The following GJA9 variants were observed in gnomAD, a reference collection of about 807,000 sequenced individuals.
GJA9 encodes gap junction protein alpha 9.
Under a neutral mutation model 0.4 loss-of-function variants are expected in GJA9, and 1 was observed. The observed-to-expected ratio is 2.50, with a 90% CI of 0.89 to 11.88. GJA9 has a LOEUF of 11.88. Ranked by LOEUF, GJA9 falls within the 30% of genes most tolerant of loss-of-function variation. The pLI, the probability that GJA9 is intolerant of heterozygous loss-of-function variation, is 0.12. For missense variants in GJA9, 550 were observed against 602.8 expected (o/e 0.91, Z 0.92); for synonymous variants, 190 against 219.1 (o/e 0.87, Z 1.17).
At chr1:38,878,575 G>C (rs544158859) in intron 1 of GJA9, among the ~76,000 whole-genome samples, 1 of 150,778 alleles carries the variant, frequency 6.6e-6, no homozygotes, top group East Asian at 2.1e-4. Flanking sequence ...TACTCAGGAG[G>C]CTGAGGCAGG....
Position 38,874,577 on chromosome 1 carries a change from G to C in GJA9, c.1522C>G (p.Arg508Gly). Reference protein sequence around the residue: ...VSLTNNLIGRRVPTDLQI With the variant: ...VSLTNNLIGRGVPTDLQI ...TAGATCTGAAGATCTGTGGGAACCC[G>C]CCTACCAATGAGATTGTTCGTTAGG... Residue 508 changes from arginine (R) to glycine (G), a missense_variant, in exon 2 of 2, where the codon CGG becomes GGG. Coordinates refer to ENST00000357771, the MANE Select transcript of GJA9 (RefSeq NM_030772.5). The C allele has an allele frequency of 6.2e-7, 1 of 1,613,838 alleles. No individual in the cohort carries two copies. Among genetic ancestry groups the C allele is most frequent in the South Asian group, 1.1e-5 (1 of 91,060 alleles).
intron 1 of GJA9, among the ~76,000 whole-genome samples, chr1:38,880,005 C>G (rs1642662609): frequency 1.3e-5 from 2 of 151,896 alleles, no homozygotes; most frequent in African/African-American, 2.4e-5. Flanking sequence ...GCGTGAGCCA[C>G]CGCGCCCGGC....
At chr1:38,878,802 C>T (rs865776823) in intron 1 of GJA9, among the ~76,000 whole-genome samples, 3 of 140,094 alleles carry the variant, frequency 2.1e-5, no homozygotes, top group Non-Finnish European at 3.0e-5. Context: ...GGCACAATCT[C>T]GGCTCACCGC....
Position 38,875,157 on chromosome 1 carries a change from A to T in GJA9, c.942T>A (p.Ser314Arg), listed in dbSNP as rs775262453. 14 of 1,614,004 alleles carry T rather than the reference A, an allele frequency of 8.7e-6. No homozygotes were observed. In the East Asian group the frequency reaches 3.1e-4, roughly 36 times the overall value. ...SVFQPNPDNH[S>R]VNDEKCILDE... ...CCAAAATGCATTTCTCATCATTTAC[A>T]CTATGATTGTCAGGATTTGGCTGGA... Residue 314 changes from serine (S) to arginine (R), a missense_variant, in exon 2 of 2, where the codon AGT becomes AGA. By Grantham distance (110) the Ser-to-Arg change is moderately radical. Transcript: ENST00000357771.
chr1:38,879,774 T>TG, intron 1 of GJA9, among the ~76,000 whole-genome samples: 2 of 152,282 alleles, frequency 1.3e-5, no homozygotes, highest in Non-Finnish European at 1.5e-5. Context: ...TCGCCCAGGC[T>TG]GGGGTGCAGT....
In GJA9 at chr1:38,876,136, A is replaced by G; in HGVS notation, c.-38T>C. The stretch of plus-strand genomic sequence containing the variant: ...AGCCATCTTAGCTCTGATCCACATC[A>G]AATAAGAGGCAGATAAATTCTTCCA... On this transcript the variant is annotated 5_prime_UTR_variant, in exon 2 of 2. Coordinates refer to ENST00000357771, the MANE Select transcript of GJA9 (RefSeq NM_030772.5). The G allele has an allele frequency of 6.7e-7, 1 of 1,499,150 alleles. No homozygotes were observed. Among genetic ancestry groups the G allele is most frequent in the Non-Finnish European group, 9.2e-7 (1 of 1,089,694 alleles). 92.9% of individuals were successfully genotyped at this position (1,499,150 alleles called of 1,614,324 possible). A position where few individuals can be genotyped will look rare whatever the true frequency, so the allele number is the denominator to read the frequency against.
intron 1 of GJA9, among the ~76,000 whole-genome samples, chr1:38,877,606 CCT>C (rs1261215513): frequency 6.6e-6 from 1 of 152,062 alleles, no homozygotes; most frequent in Non-Finnish European, 1.5e-5. Context: ...AAGCGATTCC[CCT>C]GCCTCATCCT....
chr1:38,875,669 G>A lies in GJA9; in HGVS notation c.430C>T (p.Leu144=). 7 of 1,614,198 alleles carry A rather than the reference G, an allele frequency of 4.3e-6. No individual in the cohort carries two copies. Among genetic ancestry groups the A allele is most frequent in the Non-Finnish European group, 5.9e-6 (7 of 1,180,022 alleles). Reference sequence around the variant, plus strand: ...GTTCCTCTGAGTGGAGCTTTATTTAGTTTCCTTTTCTCCAGCTGACAAAGC... The same window carrying A: ...GTTCCTCTGAGTGGAGCTTTATTTAATTTCCTTTTCTCCAGCTGACAAAGC... The part of the protein sequence containing the change: ...QELCQLEKRK[L]NKAPLRGTLL... The change falls in exon 2 of 2, where the codon CTA becomes TTA. Residue 144 remains leucine, a synonymous_variant. Coordinates refer to ENST00000357771, the MANE Select transcript of GJA9 (RefSeq NM_030772.5).
In GJA9 at chr1:38,874,151, C is replaced by T. The variant is rs149406623; in HGVS notation, c.*400G>A. On this transcript the variant is annotated 3_prime_UTR_variant, in exon 2 of 2. Transcript: ENST00000357771. ...GGATGCCAGTCTAGAAGGAAACTTA[C>T]GTGATTGTGTTCCAGGGGCAAACAG... The T allele has an allele frequency of 7.0e-3, 2,477 of 351,416 alleles. 11 individuals are homozygous for T. The highest frequency in any genetic ancestry group is 9.7e-3 in the Non-Finnish European group (1,760 of 181,064). The allele number at this position is 351,416 out of a possible 1,614,324, so 21.8% of individuals were successfully genotyped here.
At chr1:38,877,819 C>T (rs1642617100) in intron 1 of GJA9, among the ~76,000 whole-genome samples, 4 of 152,074 alleles carry the variant, frequency 2.6e-5, no homozygotes, top group African/African-American at 9.7e-5. Flanking sequence ...ATTTTTAAAT[C>T]TCATTTATAC....
intron 1 of GJA9, among the ~76,000 whole-genome samples, chr1:38,878,894 C>A (rs1553156601): frequency 6.6e-6 from 1 of 151,828 alleles, no homozygotes; most frequent in Non-Finnish European, 1.5e-5. Context: ...CCACCATGCC[C>A]AGCTAATTTT....
intron 1 of GJA9, 103 bp from the exon 2 acceptor site, chr1:38,876,296 CAG>C (rs1364533212): frequency 1.7e-5 from 10 of 599,606 alleles, no homozygotes; most frequent in Admixed American, 1.3e-4. Context: ...TTTGTTGAGA[CAG>C]AGTCTCCCTC....
chr1:38,880,250 A>G (rs1570902302), intron 1 of GJA9, among the ~76,000 whole-genome samples: 1 of 149,570 alleles, frequency 6.7e-6, no homozygotes, highest in East Asian at 2.0e-4. Flanking sequence ...CTAAAAATAC[A>G]AAAATTAGTC....
chr1:38,880,954 G>A (rs1000430978), intron 1 of GJA9, among the ~76,000 whole-genome samples: 3 of 152,036 alleles, frequency 2.0e-5, no homozygotes, highest in Non-Finnish European at 2.9e-5. Context: ...GTGATACTAT[G>A]CAACCAGTAG....
At position 38,875,779 on chromosome 1, in the gene GJA9, C is replaced by T; in HGVS notation, c.320G>A (p.Arg107Lys). 1 of 1,614,258 alleles carries T rather than the reference C, an allele frequency of 6.2e-7. No individual in the cohort carries two copies. Among genetic ancestry groups the T allele is most frequent in the Non-Finnish European group, 8.5e-7 (1 of 1,180,056 alleles). Reference protein sequence around the residue: ...LYRLRVLEEERQRMKAQLRVE... With the variant: ...LYRLRVLEEEKQRMKAQLRVE... ...TCTTAACTGAGCTTTCATCCTTTGC[C>T]TCTCTTCCTCAAGAACTCTCAGTCG... Residue 107 changes from arginine (R) to lysine (K), a missense_variant, in exon 2 of 2, where the codon AGG (arginine) becomes AAG (lysine). Coordinates refer to ENST00000357771, the MANE Select transcript of GJA9 (RefSeq NM_030772.5).
intron 1 of GJA9, 50 bp downstream of exon 1, chr1:38,881,382 T>A: frequency 1.4e-6 from 1 of 698,404 alleles, no homozygotes; most frequent in Non-Finnish European, 2.6e-6. Context: ...GATAAAAACA[T>A]TTCAAACAAC....
In GJA9 at chr1:38,875,098, G is replaced by T. The variant is rs1354984906; in HGVS notation, c.1001C>A (p.Ser334Tyr). 2 of 1,614,020 alleles carry T rather than the reference G, an allele frequency of 1.2e-6. No homozygotes were observed. The highest frequency in any genetic ancestry group is 1.7e-5 in the Admixed American group (1 of 60,004). The change falls in exon 2 of 2, where the codon TCC becomes TAC. Residue 334 changes from serine (S) to tyrosine (Y), a missense_variant. Ser to Tyr is a moderately radical substitution (Grantham distance 144). Coordinates refer to ENST00000357771, the MANE Select transcript of GJA9 (RefSeq NM_030772.5). ...EQETVLSNEI[S>Y]TLSTSCSHFQ... Reference sequence around the variant, plus strand: ...ATGACTACAACTAGTACTAAGTGTGGAAATCTCATTAGAAAGTACAGTTTC... The same window carrying T: ...ATGACTACAACTAGTACTAAGTGTGTAAATCTCATTAGAAAGTACAGTTTC...
At position 38,874,521 on chromosome 1, in the gene GJA9, T is replaced by C. The variant is rs760322466; in HGVS notation, c.*30A>G. The C allele has an allele frequency of 6.5e-7, 1 of 1,542,460 alleles. No homozygotes were observed. The highest frequency in any genetic ancestry group is 8.9e-7 in the Non-Finnish European group (1 of 1,123,480). On this transcript the variant is annotated 3_prime_UTR_variant, in exon 2 of 2. Transcript: ENST00000357771. ...GACCACTAGGCTACTTCTCTGATAA[T>C]ATATATAATGTCTAAAAGCCAACCG...
chr1:38,880,413 A>AAAAAAAAAAAT (rs1408571116), intron 1 of GJA9, among the ~76,000 whole-genome samples: 5 of 119,790 alleles, frequency 4.2e-5, no homozygotes, highest in Admixed American at 9.1e-5. Context: ...AAAAAAAAAT[A>AAAAAAAAAAAT]AATAATAATA....
Sources: allele counts gnomAD v4.1 joint callset (sites outside exome capture counted in the v4.1 genomes callset), GRCh38; gene constraint gnomAD v4.1.1; transcripts MANE v1.5; gene names NCBI Gene and HGNC (gene_info 2026-07-23, HGNC 2026-07-21).